Variants in DCAF5 observed in about 807,000 individuals in gnomAD.
DCAF5 encodes DDB1- and CUL4-associated factor 5.
A neutral mutation model predicts 80.7 loss-of-function variants in DCAF5; 9 were observed. That is an observed-to-expected ratio of 0.11 (90% CI 0.07 to 0.19). The LOEUF (loss-of-function observed/expected upper bound fraction) is 0.19. Among genes scored for constraint, DCAF5 ranks in the 10% least tolerant of loss-of-function variants. The pLI is 1.00. For synonymous variants in DCAF5, 433 were observed against 461.9 expected, an observed-to-expected ratio of 0.94 and a Z score of 0.80; for missense variants, 842 against 1,205.7, an observed-to-expected ratio of 0.70 and a Z score of 4.47.
In DCAF5 at chr14:69,052,344, G is replaced by A. The variant is rs562037036; in HGVS notation, c.*1513C>T. The A allele has an allele frequency of 6.5e-6, 1 of 152,820 alleles. No homozygotes were observed. The highest frequency in any genetic ancestry group is 2.4e-5 in the African/African-American group (1 of 41,566). 9.5% of individuals were successfully genotyped at this position (152,820 alleles called of 1,614,324 possible). On this transcript the variant is annotated 3_prime_UTR_variant, in exon 9 of 9. Transcript: ENST00000341516. ...CCTCTGAAAGGAAGCCTGGGGCAGT[G>A]AGGCCACACTAGTCAGCGTTCGGCC...
intron 6 of DCAF5, chr14:69,089,980 T>C (rs1364059273): frequency 1.0e-6 from 1 of 985,304 alleles, no homozygotes; most frequent in Non-Finnish European, 1.2e-6. Flanking sequence ...CTGGGTCTTC[T>C]AAGGTCCATG....
At chr14:69,105,581 T>A (rs2040109437) in intron 5 of DCAF5, among the ~76,000 whole-genome samples, 1 of 152,116 alleles carries the variant, frequency 6.6e-6, no homozygotes, top group Admixed American at 6.6e-5. Flanking sequence ...TGTTCCAGTG[T>A]AACTAGAACA....
chr14:69,084,745 T>C (rs2039252414), intron 6 of DCAF5: 2 of 1,235,794 alleles, frequency 1.6e-6, no homozygotes, highest in Non-Finnish European at 2.3e-6. Context: ...TGGCCATTCA[T>C]GGAAAGCAAA....
intron 6 of DCAF5, chr14:69,083,925 T>C (rs906593531): frequency 1.9e-5 from 15 of 779,916 alleles, no homozygotes; most frequent in African/African-American, 1.7e-4. Flanking sequence ...TTGCTTCTTA[T>C]GTAATCTTGT....
chr14:69,056,542 T>A (rs1049972109), intron 8 of DCAF5, among the ~76,000 whole-genome samples: 14 of 152,310 alleles, frequency 9.2e-5, no homozygotes, highest in Admixed American at 5.9e-4. Flanking sequence ...CCAGACTGGT[T>A]CACAGCAGCA....
chr14:69,136,754 G>A (rs1418490706), intron 1 of DCAF5, among the ~76,000 whole-genome samples: 1 of 152,074 alleles, frequency 6.6e-6, no homozygotes, highest in East Asian at 1.9e-4. Context: ...AGAGGCCAGG[G>A]ATGTTCCTAA....
In DCAF5 at chr14:69,054,877, G is replaced by C; in HGVS notation, c.1809C>G (p.Ile603Met). Residue 603 changes from isoleucine to methionine, a missense_variant, in exon 9 of 9, where the codon ATC (isoleucine) becomes ATG (methionine). By Grantham distance (10) the Ile-to-Met change is conservative (BLOSUM62 1). This residue lies in a region of DCAF5 where 607 missense variants were observed against 656.6 expected (regional missense o/e 0.92). Coordinates refer to ENST00000341516, the MANE Select transcript of DCAF5 (RefSeq NM_003861.3). ...CTCCAATGTAAGTGTTGGTGGGCTTGATTGGGGCACTGGGCTTGTCTTCTC... is the reference window on the plus strand; with the variant it reads ...CTCCAATGTAAGTGTTGGTGGGCTTCATTGGGGCACTGGGCTTGTCTTCTC... ...TTREDKPSAP[I>M]KPTNTYIGED... 1 of 1,614,224 alleles carries C rather than the reference G, an allele frequency of 6.2e-7. No individual in the cohort carries two copies. The highest frequency in any genetic ancestry group is 8.5e-7 in the Non-Finnish European group (1 of 1,180,032).
chr14:69,150,447 T>C (rs890750081), intron 1 of DCAF5, among the ~76,000 whole-genome samples: 1 of 131,364 alleles, frequency 7.6e-6, no homozygotes, highest in Admixed American at 8.8e-5. Context: ...CTAGAGAAAA[T>C]AGAGTTCATT....
intron 7 of DCAF5, among the ~76,000 whole-genome samples, chr14:69,072,724 A>G (rs2038747696): frequency 1.3e-5 from 2 of 152,182 alleles, no homozygotes; most frequent in South Asian, 4.1e-4. Flanking sequence ...GAGTCAAGAC[A>G]TGCTAAAAAT....
intron 7 of DCAF5, among the ~76,000 whole-genome samples, chr14:69,069,494 A>C (rs1272676741): frequency 6.6e-6 from 1 of 152,210 alleles, no homozygotes; most frequent in African/African-American, 2.4e-5. Flanking sequence ...ACGGAGTCTC[A>C]TTCTGTTGCT....
intron 5 of DCAF5, among the ~76,000 whole-genome samples, chr14:69,106,078 G>A (rs1395797052): frequency 2.0e-5 from 3 of 150,210 alleles, no homozygotes; most frequent in Admixed American, 1.3e-4. Context: ...TTTTTGAGAC[G>A]GAGTTTCGCT....
At chr14:69,082,674 T>C (rs2039158315) in intron 6 of DCAF5, among the ~76,000 whole-genome samples, 1 of 152,194 alleles carries the variant, frequency 6.6e-6, no homozygotes. Context: ...AGTTTTTGTA[T>C]GTGAGGACTG....
At chr14:69,091,288 G>C in intron 6 of DCAF5, 4 of 620,426 alleles carry the variant, frequency 6.4e-6, no homozygotes, top group Non-Finnish European at 1.1e-5. Flanking sequence ...GGTACTTAGG[G>C]TGTTTCATTC....
chr14:69,146,255 G>A (rs1035426210), intron 1 of DCAF5, among the ~76,000 whole-genome samples: 1 of 152,142 alleles, frequency 6.6e-6, no homozygotes, highest in Non-Finnish European at 1.5e-5. Flanking sequence ...ACAACTTTTT[G>A]ATGTATTAAT....
chr14:69,143,805 TAA>T (rs1246949360), intron 1 of DCAF5: 1 of 152,296 alleles, frequency 6.6e-6, no homozygotes, highest in African/African-American at 2.4e-5. Flanking sequence ...ATCATGGTTA[TAA>T]AAAAATCTTT....
At chr14:69,147,332 T>C (rs1345097889) in intron 1 of DCAF5, among the ~76,000 whole-genome samples, 1 of 152,198 alleles carries the variant, frequency 6.6e-6, no homozygotes, top group Non-Finnish European at 1.5e-5. Flanking sequence ...CCTGAAAGCC[T>C]TTTGTGACAT....
At chr14:69,146,006 CAA>C (rs2041526452) in intron 1 of DCAF5, among the ~76,000 whole-genome samples, 1 of 152,192 alleles carries the variant, frequency 6.6e-6, no homozygotes, top group South Asian at 2.1e-4. Context: ...ATTTGTGTGA[CAA>C]GTTTTACTAG....
At chr14:69,069,767 G>A (rs752654388) in intron 7 of DCAF5, among the ~76,000 whole-genome samples, 9 of 151,970 alleles carry the variant, frequency 5.9e-5, no homozygotes, top group Non-Finnish European at 1.3e-4. Context: ...GAGCCATTGT[G>A]CCTAGCAGCA....
intron 6 of DCAF5, among the ~76,000 whole-genome samples, chr14:69,081,752 A>ATG (rs5809416): frequency 2.6e-4 from 39 of 151,172 alleles, no homozygotes; most frequent in Admixed American, 3.3e-4. Context: ...TTTATAGAAA[A>ATG]TGTGTGTGTG....
Sources: allele counts gnomAD v4.1 joint callset (sites outside exome capture counted in the v4.1 genomes callset), GRCh38; gene constraint gnomAD v4.1.1; regional missense constraint gnomAD v4.1.1; transcripts MANE v1.5; gene names NCBI Gene and HGNC (gene_info 2026-07-23, HGNC 2026-07-21).